Variants in HIF3A observed in about 807,000 individuals in gnomAD.
HIF3A encodes hypoxia inducible factor 3 subunit alpha, also known as hypoxia-inducible factor 3-alpha.
A neutral mutation model predicts 67.2 loss-of-function variants in HIF3A; 41 were observed. The observed-to-expected ratio is 0.61, with a 90% CI of 0.48 to 0.79. HIF3A has a LOEUF of 0.79. Among genes scored for constraint, HIF3A ranks in the 30% least tolerant of loss-of-function variants. The pLI, the probability that HIF3A is intolerant of heterozygous loss-of-function variation, is 0.00. For synonymous variants in HIF3A, 356 were observed against 374.8 expected (o/e 0.95, Z 0.58); for missense variants, 855 against 898.0 (o/e 0.95, Z 0.61).
chr19:46,331,313 C>G, intron 13 of HIF3A, 40 bp downstream of exon 13: 2 of 1,515,194 alleles, frequency 1.3e-6, no homozygotes, highest in Non-Finnish European at 1.8e-6. Flanking sequence ...GCCCTCATTA[C>G]CTAGCTGGCT....
Position 46,305,406 on chromosome 19 carries a change from T to G in HIF3A, c.363+16T>G. ...CCTCAGTCAGGTGAGAGGAGCTCCT[T>G]GCTCTGTGCCTGGCCCTGTACTGGT... is the stretch of plus-strand genomic sequence containing the variant. On this transcript the variant is annotated intron_variant, in intron 3 of 14. Transcript: ENST00000377670. 1 of 1,612,364 alleles carries G rather than the reference T, an allele frequency of 6.2e-7. No individual in the cohort carries two copies. The highest frequency in any genetic ancestry group is 8.5e-7 in the Non-Finnish European group (1 of 1,179,202).
At chr19:46,314,042 T>C (rs2147188202) in intron 8 of HIF3A, among the ~76,000 whole-genome samples, 1 of 152,018 alleles carries the variant, frequency 6.6e-6, no homozygotes, top group African/African-American at 2.4e-5. Flanking sequence ...GGTTTTTTTT[T>C]TATCCATTCA....
Position 46,309,247 on chromosome 19 carries a change from G to C in HIF3A, c.658G>C (p.Val220Leu). The C allele has an allele frequency of 6.2e-7, 1 of 1,614,022 alleles. No homozygotes were observed. The highest frequency in any genetic ancestry group is 8.5e-7 in the Non-Finnish European group (1 of 1,179,966). The part of the protein sequence containing the change: ...PDSEPPLQCL[V>L]LICEAIPHPG... The stretch of plus-strand genomic sequence containing the variant: ...CTCAGAGCCCCCGCTGCAGTGCCTG[G>C]TGCTCATCTGCGAAGCCATCCCCCA... Residue 220 changes from valine (V) to leucine (L), a missense_variant, in exon 6 of 15, where the codon GTG becomes CTG. By Grantham distance (32) the Val-to-Leu change is conservative (BLOSUM62 1). Around this residue, in one of 3 missense-constraint regions of HIF3A, gnomAD observed 638 missense variants for 660.5 expected, o/e 0.97. Coordinates refer to ENST00000377670, the MANE Select transcript of HIF3A (RefSeq NM_152795.4).
At chr19:46,303,764 C>T (rs563901616) in intron 1 of HIF3A, 134 bp from the exon 2 acceptor site, 17 of 1,499,596 alleles carry the variant, frequency 1.1e-5, no homozygotes, top group East Asian at 2.4e-5. Context: ...GACAGGGCCA[C>T]ACATCGAGGC....
At chr19:46,308,614 C>T (rs1451277792) in intron 4 of HIF3A, 49 bp from the exon 5 acceptor site, 103 of 1,151,082 alleles carry the variant, frequency 8.9e-5, no homozygotes, top group Non-Finnish European at 1.2e-4. Flanking sequence ...GGGCACTGGG[C>T]CTGTGTGTAG....
At chr19:46,329,986 A>C (rs1971076952) in intron 12 of HIF3A, among the ~76,000 whole-genome samples, 1 of 133,980 alleles carries the variant, frequency 7.5e-6, no homozygotes, top group African/African-American at 2.7e-5. Flanking sequence ...AGATAGAGAG[A>C]GAGAGAGAGA....
intron 6 of HIF3A, 58 bp from the exon 7 acceptor site, chr19:46,312,103 C>G (rs750959719): frequency 7.9e-7 from 1 of 1,261,736 alleles, no homozygotes; most frequent in Non-Finnish European, 1.2e-6. Flanking sequence ...TTCCCTCTGC[C>G]TACCCTCTCT....
intron 2 of HIF3A, among the ~76,000 whole-genome samples, chr19:46,304,435 G>A (rs900097137): frequency 1.3e-5 from 2 of 152,116 alleles, no homozygotes; most frequent in Non-Finnish European, 2.9e-5. Flanking sequence ...CTCCCAGATG[G>A]ATAGGCCCTG....
intron 10 of HIF3A, among the ~76,000 whole-genome samples, chr19:46,324,987 G>T (rs576792742): frequency 2.3e-5 from 3 of 133,180 alleles, no homozygotes; most frequent in East Asian, 2.4e-4. Context: ...CACATATATT[G>T]TGTGTGTGTG....
intron 14 of HIF3A, among the ~76,000 whole-genome samples, chr19:46,337,130 T>C (rs1971683394): frequency 6.6e-6 from 1 of 152,150 alleles, no homozygotes; most frequent in South Asian, 2.1e-4. Context: ...GGTGGTTTCA[T>C]TGAGAAGGTG....
At position 46,339,455 on chromosome 19, in the gene HIF3A, G is replaced by A. The variant is rs1971849796; in HGVS notation, c.1913-70G>A. ...TTTAAACATTATTCCTGACATTGGG[G>A]TTATGGTTGTCCTGTGATTTATCTT... On this transcript the variant is annotated intron_variant, in intron 14 of 14. Coordinates refer to ENST00000377670, the MANE Select transcript of HIF3A (RefSeq NM_152795.4). The A allele has an allele frequency of 1.1e-5, 11 of 998,278 alleles. No homozygotes were observed. The South Asian group carries it at 1.3e-4, about 12-fold the overall frequency. 61.8% of individuals were successfully genotyped at this position (998,278 alleles called of 1,614,324 possible). A position where few individuals can be genotyped will look rare whatever the true frequency, so the allele number is the denominator to read the frequency against.
intron 14 of HIF3A, chr19:46,338,440 C>A: frequency 1.3e-6 from 1 of 758,280 alleles, no homozygotes; most frequent in Non-Finnish European, 1.8e-6. Flanking sequence ...TGAGTTCAAG[C>A]GATCCACCTG....
At chr19:46,327,474 C>A (rs902632330) in intron 11 of HIF3A, among the ~76,000 whole-genome samples, 2 of 152,222 alleles carry the variant, frequency 1.3e-5, no homozygotes, top group Admixed American at 6.5e-5. Flanking sequence ...CACTACCATG[C>A]CCAGCCAATT....
chr19:46,334,489 C>G (rs571800578), intron 13 of HIF3A, among the ~76,000 whole-genome samples: 22 of 152,138 alleles, frequency 1.4e-4, no homozygotes, highest in Non-Finnish European at 2.2e-4. Flanking sequence ...CTACCTTGGC[C>G]TTCCAAAAGC....
chr19:46,308,659 C>A lies in HIF3A; in HGVS notation c.449-4C>A. 1 of 1,589,468 alleles carries A rather than the reference C, an allele frequency of 6.3e-7. No individual in the cohort carries two copies. Among genetic ancestry groups the A allele is most frequent in the Non-Finnish European group, 8.6e-7 (1 of 1,166,058 alleles). ...ACCTCCCCGCTGCCCCCGGGCCTCC[C>A]CAGCCCTGTCCAGGAGGAAGGTGGA... On this transcript the variant is annotated splice_polypyrimidine_tract_variant and splice_region_variant and intron_variant, in intron 4 of 14. Transcript: ENST00000377670.
intron 1 of HIF3A, among the ~76,000 whole-genome samples, chr19:46,299,626 G>C (rs892368688): frequency 6.7e-6 from 1 of 150,082 alleles, no homozygotes; most frequent in African/African-American, 2.4e-5. Context: ...GTGGGAGGAT[G>C]GCTTGAGCCT....
intron 10 of HIF3A, among the ~76,000 whole-genome samples, chr19:46,322,433 C>CTT (rs1020580113): frequency 9.9e-5 from 15 of 151,868 alleles, no homozygotes; most frequent in Admixed American, 6.6e-4. Flanking sequence ...TCCAGAATTT[C>CTT]TTTTTTATTT....
chr19:46,313,334 G>C (rs1199029702), intron 8 of HIF3A: 2 of 981,898 alleles, frequency 2.0e-6, no homozygotes, highest in East Asian at 2.3e-4. Context: ...GGTCTTTTTT[G>C]CTTTTTAAAT....
chr19:46,305,491 A>G, intron 3 of HIF3A, 101 bp downstream of exon 3: 1 of 1,135,278 alleles, frequency 8.8e-7, no homozygotes, highest in Non-Finnish European at 1.3e-6. Context: ...GGGACTCACA[A>G]TACAAAGGGG....
Sources: gnomAD v4.1 joint callset for allele counts (sites outside exome capture counted in the v4.1 genomes callset) on GRCh38, gnomAD v4.1.1 for gene constraint, gnomAD v4.1.1 regional missense constraint, MANE v1.5 for transcripts, NCBI Gene and HGNC (gene_info 2026-07-23, HGNC 2026-07-21) for gene names.